Variants in HSPA12A observed in about 807,000 individuals in gnomAD.
HSPA12A encodes heat shock 70 kDa protein 12A.
In HSPA12A, 28 loss-of-function variants were observed where a neutral mutation model predicts 69.2. The ratio of observed to expected loss-of-function variants is 0.40; its 90% confidence interval spans 0.30 to 0.55. The LOEUF is 0.55. Ranked by LOEUF, HSPA12A falls within the 20% of genes least tolerant of loss-of-function variation. HSPA12A has a pLI of 0.38. For synonymous variants in HSPA12A, 345 were observed against 370.5 expected (o/e 0.93, Z 0.79); for missense variants, 686 against 900.7 (o/e 0.76, Z 3.05).
At chr10:116,838,886 TA>T (rs1444455734) in intron 1 of HSPA12A, among the ~76,000 whole-genome samples, 1 of 152,260 alleles carries the variant, frequency 6.6e-6, no homozygotes, top group African/African-American at 2.4e-5. Context: ...AAATTCTTCA[TA>T]ATTCAGGTTT....
At chr10:116,782,649 C>G (rs1177024275) in intron 2 of HSPA12A, among the ~76,000 whole-genome samples, 2 of 152,138 alleles carry the variant, frequency 1.3e-5, no homozygotes, top group East Asian at 3.9e-4. Flanking sequence ...CCAAGCAAAA[C>G]TAAACAGACT....
intron 5 of HSPA12A, among the ~76,000 whole-genome samples, chr10:116,696,974 T>G (rs781952534): frequency 1.3e-5 from 2 of 151,862 alleles, no homozygotes; most frequent in Non-Finnish European, 2.9e-5. Context: ...GGACAGAATC[T>G]CTGCCTCCCC....
chr10:116,784,453 C>T (rs1844532953), intron 2 of HSPA12A, among the ~76,000 whole-genome samples: 1 of 152,222 alleles, frequency 6.6e-6, no homozygotes, highest in Non-Finnish European at 1.5e-5. Flanking sequence ...GTAAGCTCCA[C>T]TAGAGCAAGA....
chr10:116,809,360 T>C (rs531441932), intron 2 of HSPA12A, among the ~76,000 whole-genome samples: 1 of 152,272 alleles, frequency 6.6e-6, no homozygotes, highest in South Asian at 2.1e-4. Context: ...AGGCAAAAGC[T>C]CCGGAGTCAG....
intron 2 of HSPA12A, among the ~76,000 whole-genome samples, chr10:116,783,667 T>C (rs1844513218): frequency 6.6e-6 from 1 of 152,042 alleles, no homozygotes; most frequent in Non-Finnish European, 1.5e-5. Flanking sequence ...TAGTCTTAAG[T>C]GGGGGGAAAA....
intron 1 of HSPA12A, among the ~76,000 whole-genome samples, chr10:116,711,783 C>A (rs1850439708): frequency 1.3e-5 from 2 of 151,440 alleles, no homozygotes; most frequent in African/African-American, 2.4e-5. Flanking sequence ...CCTGCCTCAG[C>A]CTCCCGAGTA....
intron 1 of HSPA12A, among the ~76,000 whole-genome samples, chr10:116,718,781 T>C (rs1214500480): frequency 2.6e-5 from 4 of 151,794 alleles, no homozygotes; most frequent in African/African-American, 4.8e-5. Context: ...TGGCACTTAA[T>C]GGTCAAAGAA....
At chr10:116,830,977 G>A (rs1845603371) in intron 2 of HSPA12A, 1 of 146,060 alleles carries the variant, frequency 6.8e-6, no homozygotes, top group Admixed American at 6.7e-5. Context: ...TTGTGAGGCA[G>A]GCTATATCAT....
Position 116,674,713 on chromosome 10 carries a change from C to T in HSPA12A, c.*68G>A. 1.4e-6 allele frequency: 2 copies of T among 1,480,380 alleles called. No homozygotes were observed. Among genetic ancestry groups the T allele is most frequent in the Non-Finnish European group, 1.8e-6 (2 of 1,089,012 alleles). The allele number at this position is 1,480,380 out of a possible 1,614,324, so 91.7% of individuals were successfully genotyped here. A position where few individuals can be genotyped will look rare whatever the true frequency, so the allele number is the denominator to read the frequency against. ...GTGAGGGTCAAGGTTAGGGAAAGAA[C>T]AGTCAAGGTTGAGGTCAGCAGATGC... On this transcript the variant is annotated 3_prime_UTR_variant, in exon 12 of 12. Transcript: ENST00000369209.
chr10:116,747,279 C>T, upstream of HSPA12A, among the ~76,000 whole-genome samples: 1 of 152,252 alleles, frequency 6.6e-6, no homozygotes, highest in South Asian at 2.1e-4. Context: ...ATCACCATCA[C>T]TCAGGACTGC....
At chr10:116,828,867 T>C (rs1387952242) in intron 2 of HSPA12A, 2 of 152,220 alleles carry the variant, frequency 1.3e-5, no homozygotes, top group Admixed American at 6.5e-5. Context: ...TTCAACCACA[T>C]TCCATTCCAT....
At chr10:116,791,101 ACTGT>A (rs1488348698) in intron 2 of HSPA12A, among the ~76,000 whole-genome samples, 2 of 152,160 alleles carry the variant, frequency 1.3e-5, no homozygotes, top group Non-Finnish European at 2.9e-5. Flanking sequence ...GGAGCAGGAG[ACTGT>A]CTGGCTAGTG....
intron 1 of HSPA12A, among the ~76,000 whole-genome samples, chr10:116,740,664 GTGTGTGTGTGTC>G (rs1369439831): frequency 0.31 from 6,976 of 22,408 alleles, 291 homozygotes; most frequent in South Asian, 0.45. Flanking sequence ...GTGTGTGTGT[GTGTGTGTGTGTC>G]TGTGTGTGTG....
intron 2 of HSPA12A, among the ~76,000 whole-genome samples, chr10:116,804,649 A>C (rs943354010): frequency 2.0e-5 from 3 of 152,190 alleles, no homozygotes; most frequent in African/African-American, 7.2e-5. Flanking sequence ...GTGCATGTGT[A>C]GGTGTTCTGT....
chr10:116,705,549 G>A (rs1850217454), intron 2 of HSPA12A, among the ~76,000 whole-genome samples: 1 of 152,232 alleles, frequency 6.6e-6, no homozygotes, highest in Non-Finnish European at 1.5e-5. Flanking sequence ...TATAGACCGT[G>A]CCCGCACACG....
intron 1 of HSPA12A, among the ~76,000 whole-genome samples, chr10:116,845,220 CT>C (rs1169602220): frequency 6.6e-6 from 1 of 152,100 alleles, no homozygotes; most frequent in Non-Finnish European, 1.5e-5. Flanking sequence ...ATATAAATGC[CT>C]CTAGAAACAC....
chr10:116,749,740 A>T (rs1851731400), intron 2 of HSPA12A, among the ~76,000 whole-genome samples: 1 of 152,190 alleles, frequency 6.6e-6, no homozygotes, highest in South Asian at 2.1e-4. Context: ...CGAGTTTTTT[A>T]AGATGAGAAA....
intron 1 of HSPA12A, among the ~76,000 whole-genome samples, chr10:116,736,745 G>A (rs1441162784): frequency 6.6e-6 from 1 of 152,182 alleles, no homozygotes; most frequent in Non-Finnish European, 1.5e-5. Flanking sequence ...ATCCCCTAGA[G>A]CCTCCAGAAG....
chr10:116,704,306 T>G (rs1336320899), intron 3 of HSPA12A, among the ~76,000 whole-genome samples: 1 of 152,192 alleles, frequency 6.6e-6, no homozygotes, highest in Non-Finnish European at 1.5e-5. Flanking sequence ...TCATGTCCTT[T>G]GTAGGGACAT....
Sources: gnomAD v4.1 joint callset for allele counts (sites outside exome capture counted in the v4.1 genomes callset) on GRCh38, gnomAD v4.1.1 for gene constraint, MANE v1.5 for transcripts, NCBI Gene and HGNC (gene_info 2026-07-23, HGNC 2026-07-21) for gene names.